The following MACROD1 variants were observed in gnomAD, a reference collection of about 807,000 sequenced individuals.
The protein encoded by MACROD1 is ADP-ribose glycohydrolase MACROD1.
In MACROD1, 31 loss-of-function variants were observed where a neutral mutation model predicts 41.4. That is an observed-to-expected ratio of 0.75 (90% CI 0.56 to 1.01). MACROD1 has a LOEUF of 1.01. MACROD1 is among the 50% of genes least tolerant of loss of function. The pLI, the probability that MACROD1 is intolerant of heterozygous loss-of-function variation, is 0.00. For synonymous variants in MACROD1, 252 were observed against 203.4 expected (o/e 1.24, Z -2.03); for missense variants, 473 against 460.0 (o/e 1.03, Z -0.26).
intron 3 of MACROD1, among the ~76,000 whole-genome samples, chr11:64,086,294 G>C (rs1331174439): frequency 6.6e-6 from 1 of 152,014 alleles, no homozygotes; most frequent in Non-Finnish European, 1.5e-5. Flanking sequence ...TTTAGGAGGC[G>C]TAAAGTGCAT....
intron 1 of MACROD1, among the ~76,000 whole-genome samples, chr11:64,164,214 A>G (rs753834828): frequency 5.3e-5 from 8 of 152,172 alleles, no homozygotes; most frequent in Non-Finnish European, 1.2e-4. Flanking sequence ...GGCGTTCAAT[A>G]AAAGTTTGCT....
At chr11:64,028,096 C>G (rs1943244679) in intron 3 of MACROD1, among the ~76,000 whole-genome samples, 1 of 145,616 alleles carries the variant, frequency 6.9e-6, no homozygotes, top group Non-Finnish European at 1.5e-5. Flanking sequence ...TCTCAGGATG[C>G]GGGGCTGGGC....
At chr11:64,136,987 G>A (rs937061750) in intron 3 of MACROD1, among the ~76,000 whole-genome samples, 3 of 152,246 alleles carry the variant, frequency 2.0e-5, no homozygotes, top group Admixed American at 6.5e-5. Flanking sequence ...CTCTGGTGCT[G>A]AATTCATGCA....
At chr11:64,136,810 C>T (rs1346853265) in intron 3 of MACROD1, among the ~76,000 whole-genome samples, 2 of 152,202 alleles carry the variant, frequency 1.3e-5, no homozygotes, top group African/African-American at 2.4e-5. Context: ...TGGAGAGAAT[C>T]GGGAGATGGG....
At chr11:64,015,334 G>T (rs1343474746) in intron 3 of MACROD1, 53 bp from the exon 4 acceptor site, 5 of 1,556,960 alleles carry the variant, frequency 3.2e-6, no homozygotes, top group Non-Finnish European at 4.4e-6. Flanking sequence ...TGCGGCGGGA[G>T]TATCAGCCTT....
intron 3 of MACROD1, among the ~76,000 whole-genome samples, chr11:64,028,559 T>A (rs901062400): frequency 1.3e-5 from 2 of 152,166 alleles, no homozygotes; most frequent in Non-Finnish European, 2.9e-5. Context: ...GCCCCTCTGC[T>A]CCCTCCGCGG....
At position 64,166,101 on chromosome 11, in the gene MACROD1, C is replaced by T; in HGVS notation, c.-107G>A. ...GGACCGGGTGGCGACTGCCAGCCAGCGGCGACCTGCTCGGAGCCAGCGGGA... is the reference window on the plus strand; with the variant it reads ...GGACCGGGTGGCGACTGCCAGCCAGTGGCGACCTGCTCGGAGCCAGCGGGA... On this transcript the variant is annotated 5_prime_UTR_variant, in exon 1 of 11. Coordinates refer to ENST00000255681, the MANE Select transcript of MACROD1 (RefSeq NM_014067.4). The T allele has an allele frequency of 8.5e-7, 1 of 1,179,064 alleles. No homozygotes were observed. The allele number at this position is 1,179,064 out of a possible 1,614,324, so 73.0% of individuals were successfully genotyped here. A position where few individuals can be genotyped will look rare whatever the true frequency, so the allele number is the denominator to read the frequency against.
chr11:64,165,263 CTG>C (rs906601003), intron 1 of MACROD1, among the ~76,000 whole-genome samples: 2 of 152,210 alleles, frequency 1.3e-5, no homozygotes, highest in Non-Finnish European at 2.9e-5. Flanking sequence ...AAGAACCACA[CTG>C]TGCAAAGTTT....
At chr11:64,048,227 G>T (rs1943622821) in intron 3 of MACROD1, among the ~76,000 whole-genome samples, 1 of 152,240 alleles carries the variant, frequency 6.6e-6, no homozygotes, top group Non-Finnish European at 1.5e-5. Flanking sequence ...GGAGAGCTCA[G>T]CTCCCGCCGG....
At chr11:64,070,344 A>G (rs1487693736) in intron 3 of MACROD1, among the ~76,000 whole-genome samples, 1 of 152,106 alleles carries the variant, frequency 6.6e-6, no homozygotes, top group African/African-American at 2.4e-5. Context: ...TGTGACTGAG[A>G]ATTCCAATGA....
At chr11:64,042,415 G>C (rs1943505621) in intron 3 of MACROD1, among the ~76,000 whole-genome samples, 1 of 152,212 alleles carries the variant, frequency 6.6e-6, no homozygotes, top group South Asian at 2.1e-4. Context: ...TGGGGAATGG[G>C]GGGGTGTGAA....
chr11:64,039,317 C>T (rs923456049), intron 3 of MACROD1, among the ~76,000 whole-genome samples: 2 of 152,142 alleles, frequency 1.3e-5, no homozygotes, highest in Admixed American at 6.5e-5. Flanking sequence ...TTTCCCTGCT[C>T]ACTGGCAGAG....
chr11:64,133,441 T>G (rs1343427816), intron 3 of MACROD1, among the ~76,000 whole-genome samples: 1 of 152,144 alleles, frequency 6.6e-6, no homozygotes, highest in African/African-American at 2.4e-5. Flanking sequence ...ACACGCAATG[T>G]GAGAGGGCAG....
At chr11:64,065,094 G>A (rs1943972463) in intron 3 of MACROD1, among the ~76,000 whole-genome samples, 2 of 152,358 alleles carry the variant, frequency 1.3e-5, no homozygotes, top group East Asian at 3.9e-4. Flanking sequence ...AGACTCGGCG[G>A]CCTCGGAGAG....
At chr11:64,059,348 G>T (rs1486873205) in intron 3 of MACROD1, among the ~76,000 whole-genome samples, 1 of 152,164 alleles carries the variant, frequency 6.6e-6, no homozygotes, top group Non-Finnish European at 1.5e-5. Flanking sequence ...GGGAGGCGTT[G>T]CGGGCTTATC....
At chr11:64,160,718 A>C (rs946152538) in intron 1 of MACROD1, among the ~76,000 whole-genome samples, 2 of 149,856 alleles carry the variant, frequency 1.3e-5, no homozygotes, top group African/African-American at 4.9e-5. Flanking sequence ...CAGGAGGCTG[A>C]GGTGGGAGGA....
At chr11:64,152,456 C>T (rs1333437866) in intron 1 of MACROD1, 63 bp from the exon 2 acceptor site, 17 of 1,273,554 alleles carry the variant, frequency 1.3e-5, no homozygotes, top group East Asian at 2.3e-5. Flanking sequence ...CTTGCACCCC[C>T]ACATCTCCTT....
chr11:64,137,677 C>T (rs1945350883), intron 3 of MACROD1, among the ~76,000 whole-genome samples: 1 of 152,038 alleles, frequency 6.6e-6, no homozygotes, highest in Non-Finnish European at 1.5e-5. Context: ...AGATATGAGC[C>T]GTAGTTCCTC....
At chr11:64,151,218 T>C in intron 3 of MACROD1, 21 bp downstream of exon 3, 1 of 1,602,854 alleles carries the variant, frequency 6.2e-7, no homozygotes, top group Non-Finnish European at 8.5e-7. Flanking sequence ...ACCAGGTCTC[T>C]GGTTCAGGCC....
Sources: allele counts gnomAD v4.1 joint callset (sites outside exome capture counted in the v4.1 genomes callset), GRCh38; gene constraint gnomAD v4.1.1; transcripts MANE v1.5; gene names NCBI Gene and HGNC (gene_info 2026-07-23, HGNC 2026-07-21).